Variants in TVP23A observed in about 807,000 individuals in gnomAD.
The protein encoded by TVP23A is trans-golgi network vesicle protein 23 homolog A.
TVP23A carries 21 observed loss-of-function variants against 31.7 expected under a neutral mutation model. The observed-to-expected ratio is 0.66, with a 90% CI of 0.47 to 0.95. The LOEUF (loss-of-function observed/expected upper bound fraction) is 0.95, where lower values mean the gene tolerates loss of function less well. Among genes scored for constraint, TVP23A ranks in the 40% least tolerant of loss-of-function variants. The pLI is 0.00. For missense variants in TVP23A, 279 were observed against 255.6 expected (o/e 1.09, Z -0.62); for synonymous variants, 104 against 96.0 (o/e 1.08, Z -0.49).
intron 2 of TVP23A, chr16:10,808,551 C>G (rs1406059136): frequency 2.2e-6 from 1 of 455,226 alleles, no homozygotes; most frequent in Admixed American, 2.4e-5. Context: ...AATCCCAGCA[C>G]TTTGGGAGGC....
downstream of TVP23A, among the ~76,000 whole-genome samples, chr16:10,764,455 G>A (rs2030539363): frequency 6.6e-6 from 1 of 151,648 alleles, no homozygotes; most frequent in Non-Finnish European, 1.5e-5. Flanking sequence ...GTGTGTTGGA[G>A]CATCTCAGTC....
intron 2 of TVP23A, among the ~76,000 whole-genome samples, chr16:10,785,298 G>A (rs1484054799): frequency 1.3e-5 from 2 of 152,010 alleles, no homozygotes; most frequent in East Asian, 3.9e-4. Context: ...CAGCTACTCA[G>A]GAGGCTGAGG....
In TVP23A at chr16:10,766,679, G is replaced by A. The variant is rs943693644; in HGVS notation, c.*2423C>T. On this transcript the variant is annotated 3_prime_UTR_variant, in exon 8 of 8. Coordinates refer to ENST00000299866, the MANE Select transcript of TVP23A (RefSeq NM_001079512.4). The surrounding 1 kb of genome is among the most constrained non-coding windows in gnomAD (Gnocchi z 4.8). ...AAATTGGACAAAACGCACAAAGAAA[G>A]GAAGGAAGGAAGGGATTTATTGAAA... 9.2e-6 allele frequency: 3 copies of A among 327,842 alleles called. No individual in the cohort carries two copies. The highest frequency in any genetic ancestry group is 1.7e-5 in the Non-Finnish European group (3 of 181,802). The allele number at this position is 327,842 out of a possible 1,614,324, so 20.3% of individuals were successfully genotyped here.
In TVP23A at chr16:10,818,517, C is replaced by A. The variant is rs757834340; in HGVS notation, c.-24G>T. ...ATCACCCTCCCAGGAGCCCACCTGG[C>A]GCCCAGGCCCGGGGCTCCAGCTCCG... On this transcript the variant is annotated 5_prime_UTR_variant, in exon 1 of 8. Transcript: ENST00000299866. This position sits in a 1 kb window ranked among gnomAD's most constrained non-coding sequence, Gnocchi z 4.7. 3 of 1,600,680 alleles carry A rather than the reference C, an allele frequency of 1.9e-6. No individual in the cohort carries two copies. The East Asian group carries it at 6.7e-5, about 36-fold the overall frequency.
At position 10,771,605 on chromosome 16, in the gene TVP23A, G is replaced by T. The variant is rs551180881; in HGVS notation, c.582+65C>A. 7 of 1,596,534 alleles carry T rather than the reference G, an allele frequency of 4.4e-6. No homozygotes were observed. The South Asian group carries it at 7.8e-5, about 18-fold the overall frequency. On this transcript the variant is annotated intron_variant, in intron 6 of 7. Transcript: ENST00000299866. The stretch of plus-strand genomic sequence containing the variant: ...GTTACATTACAAACCGCAGTTGCCA[G>T]CAGGCCACCTTGACTTTGACTACCT...
rs2032304633 is a variant in TVP23A, at chr16:10,779,748, A to G, written c.90-4652T>C. Reference sequence around the variant, plus strand: ...AAAATTACCAAGTTTTCCAGAGCTTATATACCTTCTGAGCTATATGTCATG... The same window carrying G: ...AAAATTACCAAGTTTTCCAGAGCTTGTATACCTTCTGAGCTATATGTCATG... On this transcript the variant is annotated intron_variant, in intron 2 of 7. Transcript: ENST00000299866. The surrounding 1 kb of genome is among the most constrained non-coding windows in gnomAD (Gnocchi z 4.9). Among the ~76,000 whole-genome samples, 1 of 152,252 alleles carries G rather than the reference A, an allele frequency of 6.6e-6. No homozygotes were observed. Among genetic ancestry groups the G allele is most frequent in the African/African-American group, 2.4e-5 (1 of 41,466 alleles).
intron 2 of TVP23A, among the ~76,000 whole-genome samples, chr16:10,791,428 C>T (rs555640476): frequency 6.6e-6 from 1 of 152,236 alleles, no homozygotes; most frequent in East Asian, 1.9e-4. Flanking sequence ...AATCAGCCCC[C>T]AAATTATTTT....
chr16:10,808,265 G>A (rs2355609), intron 2 of TVP23A, among the ~76,000 whole-genome samples: 1,777 of 152,284 alleles, frequency 0.012, 40 homozygotes, highest in African/African-American at 0.04. Flanking sequence ...AATTTCAAGC[G>A]GGGCTCATGT....
At chr16:10,797,783 C>G (rs1250776212) in intron 2 of TVP23A, among the ~76,000 whole-genome samples, 2 of 151,654 alleles carry the variant, frequency 1.3e-5, no homozygotes, top group African/African-American at 4.9e-5. Flanking sequence ...TTGATGTGAT[C>G]TCTGTGGTTT....
chr16:10,785,896 A>C (rs1233468616), intron 2 of TVP23A, among the ~76,000 whole-genome samples: 1 of 152,098 alleles, frequency 6.6e-6, no homozygotes, highest in Non-Finnish European at 1.5e-5. Context: ...CTTTGTCACC[A>C]CCGGACTTTG....
intron 2 of TVP23A, among the ~76,000 whole-genome samples, chr16:10,778,033 A>G (rs2032174460): frequency 6.6e-6 from 1 of 150,914 alleles, no homozygotes; most frequent in Non-Finnish European, 1.5e-5. Flanking sequence ...ATAAAAATAA[A>G]AGAAGAATTA....
chr16:10,772,948 T>G (rs1450120025), intron 5 of TVP23A, among the ~76,000 whole-genome samples: 1 of 152,194 alleles, frequency 6.6e-6, no homozygotes, highest in East Asian at 1.9e-4. Context: ...AGTGGCACAA[T>G]CTTGGCTCAC....
intron 2 of TVP23A, among the ~76,000 whole-genome samples, chr16:10,776,438 G>T (rs188165588): frequency 7.2e-5 from 11 of 152,212 alleles, no homozygotes; most frequent in African/African-American, 2.2e-4. Context: ...TATAGAGCAG[G>T]TGATGGCAGT....
rs1307751814 is a variant in TVP23A at position 10,818,134 on chromosome 16, C to A, written c.58G>T (p.Glu20Ter). 6 of 1,609,288 alleles carry A rather than the reference C, an allele frequency of 3.7e-6. No individual in the cohort carries two copies. The highest frequency in any genetic ancestry group is 5.1e-6 in the Non-Finnish European group (6 of 1,178,068). ...EDVSLDFGNE[E>*]ELAFRKAKIR... Reference sequence around the variant, plus strand: ...TTGGCTTTCCTAAAGGCCAGCTCCTCCTCGTTTCCAAAGTCCAGGGACACA... The same window carrying A: ...TTGGCTTTCCTAAAGGCCAGCTCCTACTCGTTTCCAAAGTCCAGGGACACA... Residue 20 changes from glutamate (E) to a stop codon, truncating the protein, a stop_gained, in exon 2 of 8, where the codon GAG becomes TAG. Transcript: ENST00000299866. LOFTEE classifies it high-confidence loss of function. The surrounding 1 kb of genome is among the most constrained non-coding windows in gnomAD (Gnocchi z 4.7).
chr16:10,789,157 GCCCTCC>G (rs1390824666), intron 2 of TVP23A, among the ~76,000 whole-genome samples: 1 of 152,130 alleles, frequency 6.6e-6, no homozygotes, highest in Non-Finnish European at 1.5e-5. Context: ...CACAGATGAT[GCCCTCC>G]TGGTAGCCAG....
chr16:10,804,994 T>C (rs1156275636), intron 2 of TVP23A, among the ~76,000 whole-genome samples: 1 of 151,972 alleles, frequency 6.6e-6, no homozygotes, highest in Non-Finnish European at 1.5e-5. Context: ...TGTCTCGGTG[T>C]GTTCATCTAT....
chr16:10,805,392 C>G (rs1185892514), intron 2 of TVP23A, among the ~76,000 whole-genome samples: 4 of 151,908 alleles, frequency 2.6e-5, no homozygotes, highest in Non-Finnish European at 5.9e-5. Flanking sequence ...ATCTCCCTGG[C>G]CGACAAGAGC....
At chr16:10,797,749 G>A (rs1029868659) in intron 2 of TVP23A, among the ~76,000 whole-genome samples, 4 of 151,842 alleles carry the variant, frequency 2.6e-5, no homozygotes, top group African/African-American at 9.7e-5. Context: ...GTCTCTTAGG[G>A]ATATCAAAAT....
At chr16:10,809,045 T>C (rs1221327167) in intron 2 of TVP23A, among the ~76,000 whole-genome samples, 2 of 152,250 alleles carry the variant, frequency 1.3e-5, no homozygotes, top group East Asian at 3.9e-4. Flanking sequence ...GCTGAGAACA[T>C]GCCTCTGCAC....
Sources: gnomAD v4.1 joint callset for allele counts (sites outside exome capture counted in the v4.1 genomes callset) on GRCh38, gnomAD v4.1.1 for gene constraint, Gnocchi (gnomAD v3.1) non-coding constraint, MANE v1.5 for transcripts, NCBI Gene and HGNC (gene_info 2026-07-23, HGNC 2026-07-21) for gene names.